The following NCOA2 variants were observed in gnomAD, a reference collection of about 807,000 sequenced individuals.
NCOA2 encodes the protein class E basic helix-loop-helix protein 75.
NCOA2 carries 21 observed loss-of-function variants against 145.1 expected under a neutral mutation model. The ratio of observed to expected loss-of-function variants is 0.14; its 90% CI spans 0.10 to 0.21. The LOEUF is 0.21. Ranked by LOEUF, NCOA2 falls within the 10% of genes least tolerant of loss-of-function variation. The pLI, the probability that NCOA2 is intolerant of heterozygous loss-of-function variation, is 1.00. For synonymous variants in NCOA2, 619 were observed against 637.5 expected (o/e 0.97, Z 0.44); for missense variants, 1,472 against 1,837.6 (o/e 0.80, Z 3.64).
At chr8:70,451,957 G>GTGTTTGTT in the NCOA2 span, among the ~76,000 whole-genome samples, 655 of 151,308 alleles carry the variant, frequency 4.3e-3, 1 homozygote, top group Non-Finnish European at 6.7e-3. Context: ...GGCATTTAAG[G>GTGTTTGTT]TGTTTGTTTG....
At chr8:70,368,280 A>C (rs1246908395) in intron 1 of NCOA2, among the ~76,000 whole-genome samples, 2 of 152,364 alleles carry the variant, frequency 1.3e-5, no homozygotes, top group South Asian at 2.1e-4. Context: ...ATCTGGCTGA[A>C]GTGCAAGGCC....
At chr8:70,290,184 A>ATTT (rs918257984) in intron 2 of NCOA2, among the ~76,000 whole-genome samples, 6 of 122,302 alleles carry the variant, frequency 4.9e-5, no homozygotes, top group Non-Finnish European at 6.7e-5. Flanking sequence ...ATTTCCATTG[A>ATTT]TTTTTTTTTT....
intron 2 of NCOA2, among the ~76,000 whole-genome samples, chr8:70,222,035 T>A (rs1237549827): frequency 1.3e-5 from 2 of 152,216 alleles, no homozygotes; most frequent in Non-Finnish European, 2.9e-5. Flanking sequence ...TTCTTGGTTT[T>A]CATACAGTAA....
chr8:70,392,635 A>G (rs1417463010), intron 1 of NCOA2, among the ~76,000 whole-genome samples: 1 of 152,182 alleles, frequency 6.6e-6, no homozygotes, highest in Non-Finnish European at 1.5e-5. Flanking sequence ...GAAATAGTTA[A>G]GTGCCAACCC....
At chr8:70,239,423 A>G (rs1004642740) in intron 2 of NCOA2, among the ~76,000 whole-genome samples, 5 of 150,450 alleles carry the variant, frequency 3.3e-5, no homozygotes, top group African/African-American at 1.3e-4. Context: ...CAAGACCTAC[A>G]GTCTTTGTTG....
intron 1 of NCOA2, among the ~76,000 whole-genome samples, chr8:70,402,854 C>T (rs1018826733): frequency 2.7e-5 from 4 of 148,196 alleles, no homozygotes; most frequent in African/African-American, 4.9e-5. Context: ...GAGCCCGGCT[C>T]GGCGCCGCCG....
chr8:70,163,841 A>G (rs115198018), intron 7 of NCOA2, among the ~76,000 whole-genome samples: 1,941 of 152,288 alleles, frequency 0.013, 56 homozygotes, highest in African/African-American at 0.045. Context: ...CATCGACTAC[A>G]CTAAAACGTT....
At chr8:70,447,441 G>T in the NCOA2 span, among the ~76,000 whole-genome samples, 3 of 152,152 alleles carry the variant, frequency 2.0e-5, no homozygotes, top group Admixed American at 1.3e-4. Context: ...AGTAGGGATC[G>T]TGTCCAGTCA....
the NCOA2 span, among the ~76,000 whole-genome samples, chr8:70,440,025 T>A: frequency 6.6e-6 from 1 of 152,196 alleles, no homozygotes; most frequent in Non-Finnish European, 1.5e-5. Context: ...GCACAGCTCC[T>A]TGTTGTCTCC....
intron 13 of NCOA2, among the ~76,000 whole-genome samples, 159 bp downstream of exon 13, chr8:70,144,483 G>A (rs1296934051): frequency 6.6e-6 from 1 of 152,170 alleles, no homozygotes; most frequent in Non-Finnish European, 1.5e-5. Flanking sequence ...TTTCCCACAT[G>A]CCATTCTCAC....
chr8:70,120,391 A>G (rs1336391360), intron 22 of NCOA2, among the ~76,000 whole-genome samples: 3 of 152,202 alleles, frequency 2.0e-5, no homozygotes, highest in African/African-American at 7.2e-5. Flanking sequence ...CTACAGTTTC[A>G]TTGGCTGAAC....
At chr8:70,154,158 A>G (rs759027065) in intron 11 of NCOA2, among the ~76,000 whole-genome samples, 1 of 152,196 alleles carries the variant, frequency 6.6e-6, no homozygotes, top group Non-Finnish European at 1.5e-5. Flanking sequence ...CTCTCCATCC[A>G]TTGAAGACAC....
intron 14 of NCOA2, 117 bp downstream of exon 14, chr8:70,141,067 C>T: frequency 2.0e-6 from 2 of 1,020,844 alleles, no homozygotes; most frequent in Admixed American, 2.3e-5. Flanking sequence ...CTTATGGCAG[C>T]TTCATGGGAG....
intron 19 of NCOA2, among the ~76,000 whole-genome samples, chr8:70,125,135 T>A (rs1227976416): frequency 1.3e-5 from 2 of 152,104 alleles, no homozygotes; most frequent in Non-Finnish European, 2.9e-5. Flanking sequence ...AAAGAAACAA[T>A]GCTATTCTTT....
chr8:70,134,331 AG>A (rs1483073555), intron 15 of NCOA2, among the ~76,000 whole-genome samples: 1 of 152,248 alleles, frequency 6.6e-6, no homozygotes, highest in Non-Finnish European at 1.5e-5. Context: ...TGGATATGGC[AG>A]GAGTTCCATG....
chr8:70,204,984 G>A (rs1027314311), intron 4 of NCOA2, among the ~76,000 whole-genome samples: 3 of 152,170 alleles, frequency 2.0e-5, no homozygotes, highest in African/African-American at 7.2e-5. Context: ...CTCTGGCCCG[G>A]AAGACAGAGC....
chr8:70,293,094 G>T (rs535992232), intron 2 of NCOA2, among the ~76,000 whole-genome samples: 6 of 152,142 alleles, frequency 3.9e-5, no homozygotes, highest in African/African-American at 1.2e-4. Context: ...GCTGTCATTT[G>T]AAGAAAATAC....
At chr8:70,230,139 G>T (rs1821008240) in intron 2 of NCOA2, among the ~76,000 whole-genome samples, 1 of 152,218 alleles carries the variant, frequency 6.6e-6, no homozygotes, top group South Asian at 2.1e-4. Context: ...AGTTACGCTA[G>T]AAAGATTAGC....
chr8:70,356,414 G>A (rs1170542581), intron 1 of NCOA2, among the ~76,000 whole-genome samples: 1 of 152,160 alleles, frequency 6.6e-6, no homozygotes, highest in African/African-American at 2.4e-5. Flanking sequence ...AGCAGCATAG[G>A]CACATAGCTC....
Sources: allele counts gnomAD v4.1 joint callset (sites outside exome capture counted in the v4.1 genomes callset), GRCh38; gene constraint gnomAD v4.1.1; transcripts MANE v1.5; gene names NCBI Gene and HGNC (gene_info 2026-07-23, HGNC 2026-07-21).